The following UTRN variants were observed in gnomAD, a reference collection of about 807,000 sequenced individuals.
The protein encoded by UTRN is dystrophin-related protein 1.
UTRN carries 283 observed loss-of-function variants against 463.9 expected under a neutral mutation model. The observed-to-expected ratio is 0.61, with a 90% CI of 0.55 to 0.67. UTRN has a LOEUF of 0.67. Ranked by LOEUF, UTRN falls within the 30% of genes least tolerant of loss-of-function variation. The pLI is 0.00. For synonymous variants in UTRN, 1,442 were observed against 1,431.5 expected (o/e 1.01, Z -0.17); for missense variants, 3,922 against 4,084.3 (o/e 0.96, Z 1.08).
chr6:144,730,544 A>G (rs111517215), intron 54 of UTRN, 58 bp downstream of exon 54: 25,324 of 1,460,562 alleles, frequency 0.017, 283 homozygotes, highest in Non-Finnish European at 0.02. Context: ...CAAAAAACCC[A>G]AAATCAAGTA....
chr6:144,528,456 G>A (rs899690070), intron 41 of UTRN, among the ~76,000 whole-genome samples: 7 of 152,248 alleles, frequency 4.6e-5, no homozygotes, highest in Non-Finnish European at 1.0e-4. Context: ...ATCAGTGGCT[G>A]CTGTCCTGAT....
intron 51 of UTRN, 43 bp from the exon 52 acceptor site, chr6:144,678,363 G>T: frequency 6.3e-7 from 1 of 1,579,240 alleles, no homozygotes; most frequent in Non-Finnish European, 8.6e-7. Flanking sequence ...AAGATATACT[G>T]ATTCCTAACA....
chr6:144,616,951 C>T (rs990662190), intron 51 of UTRN, among the ~76,000 whole-genome samples: 1 of 152,128 alleles, frequency 6.6e-6, no homozygotes, highest in Admixed American at 6.5e-5. Flanking sequence ...TATTGACTAT[C>T]CTTTGCCTTT....
chr6:144,542,323 G>A (rs1275256842), intron 45 of UTRN, among the ~76,000 whole-genome samples: 1 of 152,148 alleles, frequency 6.6e-6, no homozygotes, highest in Non-Finnish European at 1.5e-5. Flanking sequence ...GCAGTCTTTA[G>A]CCTCTCAAAA....
At chr6:144,554,979 A>C (rs200689290) in intron 49 of UTRN, 86 bp downstream of exon 49, 2 of 1,383,510 alleles carry the variant, frequency 1.4e-6, no homozygotes, top group East Asian at 2.5e-5. Context: ...TAACAATAGG[A>C]CCCTGCCATG....
chr6:144,482,517 T>C, intron 27 of UTRN, 129 bp downstream of exon 27: 3 of 561,892 alleles, frequency 5.3e-6, no homozygotes, highest in Non-Finnish European at 7.3e-6. Flanking sequence ...AAACTTCTCT[T>C]TTCTTTCAAA....
intron 9 of UTRN, among the ~76,000 whole-genome samples, chr6:144,433,143 C>T (rs1235587026): frequency 6.6e-6 from 1 of 151,844 alleles, no homozygotes; most frequent in Admixed American, 6.6e-5. Context: ...CCTTTCCCCC[C>T]TTTCTATTCC....
intron 2 of UTRN, among the ~76,000 whole-genome samples, chr6:144,387,289 C>T (rs572425997): frequency 9.2e-5 from 14 of 152,204 alleles, no homozygotes; most frequent in African/African-American, 1.2e-4. Flanking sequence ...ATTACAGGTA[C>T]GTGCCACCAT....
At position 144,402,961 on chromosome 6, in the gene UTRN, G is replaced by A. The variant is rs117614447; in HGVS notation, c.80-162G>A. Among the ~76,000 whole-genome samples, 5 of 152,104 alleles carry A rather than the reference G, an allele frequency of 3.3e-5. No homozygotes were observed. The East Asian group carries it at 9.7e-4, about 29-fold the overall frequency. On this transcript the variant is annotated intron_variant, in intron 2 of 74. Transcript: ENST00000367545. Reference sequence around the variant, plus strand: ...AGTGTTGGGCTCCATAAGTGTACCGGGCAGTCATCACATTCTGCATTAGCT... The same window carrying A: ...AGTGTTGGGCTCCATAAGTGTACCGAGCAGTCATCACATTCTGCATTAGCT...
chr6:144,670,600 C>G (rs1317679568), intron 51 of UTRN, among the ~76,000 whole-genome samples: 2 of 151,924 alleles, frequency 1.3e-5, no homozygotes, highest in Non-Finnish European at 2.9e-5. Context: ...ATTTCCTCTT[C>G]TGATTGTTTC....
intron 13 of UTRN, 40 bp from the exon 14 acceptor site, chr6:144,444,239 CTT>C (rs1447873238): frequency 1.3e-6 from 2 of 1,505,192 alleles, no homozygotes; most frequent in South Asian, 1.2e-5. Flanking sequence ...ATAACTCTCT[CTT>C]AAGGCTGTGT....
chr6:144,416,494 C>T (rs1395192664), intron 3 of UTRN, among the ~76,000 whole-genome samples: 1 of 152,160 alleles, frequency 6.6e-6, no homozygotes, highest in Non-Finnish European at 1.5e-5. Flanking sequence ...CCTTGCTCCC[C>T]GCTAGACCCC....
intron 46 of UTRN, among the ~76,000 whole-genome samples, chr6:144,544,379 A>G (rs1798222802): frequency 6.6e-6 from 1 of 152,128 alleles, no homozygotes; most frequent in Non-Finnish European, 1.5e-5. Context: ...TATCACTCCA[A>G]ACTAAAACCT....
chr6:144,309,554 A>G (rs982442133), intron 2 of UTRN, among the ~76,000 whole-genome samples: 4 of 151,992 alleles, frequency 2.6e-5, no homozygotes, highest in African/African-American at 4.8e-5. Context: ...TGCTGGTTCT[A>G]TTTTCCTAAT....
chr6:144,724,287 G>T (rs1787588330), intron 53 of UTRN, among the ~76,000 whole-genome samples: 1 of 139,112 alleles, frequency 7.2e-6, no homozygotes, highest in South Asian at 2.3e-4. Flanking sequence ...GGAGTGCAGT[G>T]GCGCAATCTC....
At chr6:144,616,626 T>G (rs747161623) in intron 51 of UTRN, among the ~76,000 whole-genome samples, 2 of 152,076 alleles carry the variant, frequency 1.3e-5, no homozygotes, top group African/African-American at 2.4e-5. Flanking sequence ...AGTGAACATC[T>G]TTGGTAGCCT....
chr6:144,474,028 TGGTTATAGAATTTTGAGA>T (rs1276027229), intron 24 of UTRN, among the ~76,000 whole-genome samples, 195 bp downstream of exon 24: 2 of 151,882 alleles, frequency 1.3e-5, no homozygotes, highest in African/African-American at 4.8e-5. Context: ...TTTCTGGACG[TGGTTATAGAATTTTGAGA>T]GGTTATAGAA....
At chr6:144,308,910 T>C (rs1450652473) in intron 2 of UTRN, among the ~76,000 whole-genome samples, 1 of 152,210 alleles carries the variant, frequency 6.6e-6, no homozygotes, top group Admixed American at 6.5e-5. Flanking sequence ...AGATTGTATG[T>C]ACCAACATTT....
In UTRN at chr6:144,699,473, GTTTTTTTTTTTTT is replaced by G. The variant is rs71024902; in HGVS notation, c.7653-599_7653-587del. 7.7e-4 allele frequency among the ~76,000 whole-genome samples: 52 copies of G among 67,616 alleles called. 1 individual carries two copies. Among genetic ancestry groups the G allele is most frequent in the East Asian group, 6.6e-3 (12 of 1,830 alleles). The allele number at this position is 67,616 out of a possible 152,430, so 44.4% of individuals were successfully genotyped here. ...AAATAATAATAATAATTAGTCAGTG[GTTTTTTTTTTTTT>G]TTTTTTTTTTTTTTGGAAAGAAAAA... On this transcript the variant is annotated intron_variant, in intron 52 of 74. Transcript: ENST00000367545.
Sources: gnomAD v4.1 joint callset for allele counts (sites outside exome capture counted in the v4.1 genomes callset) on GRCh38, gnomAD v4.1.1 for gene constraint, MANE v1.5 for transcripts, NCBI Gene and HGNC (gene_info 2026-07-23, HGNC 2026-07-21) for gene names.